The following ILRUN variants were observed in gnomAD, a reference collection of about 807,000 sequenced individuals.
The protein encoded by ILRUN is protein ILRUN.
Under a neutral mutation model 33.8 loss-of-function variants are expected in ILRUN, and 3 were observed. The ratio of observed to expected loss-of-function variants is 0.09; its 90% confidence interval spans 0.04 to 0.23. The LOEUF (loss-of-function observed/expected upper bound fraction) is 0.23. Ranked by LOEUF, ILRUN falls within the 10% of genes least tolerant of loss-of-function variation. ILRUN has a pLI of 1.00. For synonymous variants in ILRUN, 124 were observed against 138.9 expected (o/e 0.89, Z 0.75); for missense variants, 210 against 375.1 (o/e 0.56, Z 3.64).
intron 1 of ILRUN, among the ~76,000 whole-genome samples, chr6:34,683,443 T>TATATATACATATATACATATATATACAC (rs1562032912): frequency 1.4e-5 from 1 of 73,312 alleles, no homozygotes; most frequent in African/African-American, 7.1e-5. Flanking sequence ...TATATATACA[T>TATATATACATATATACATATATATACAC]ATATATATAC....
chr6:34,671,988 C>A (rs1469203169), intron 1 of ILRUN: 3 of 152,234 alleles, frequency 2.0e-5, no homozygotes, highest in Admixed American at 1.3e-4. Context: ...GGCCTCATAT[C>A]CCCTAATGTA....
At chr6:34,666,257 C>G (rs1483845794) in intron 1 of ILRUN, among the ~76,000 whole-genome samples, 1 of 152,094 alleles carries the variant, frequency 6.6e-6, no homozygotes, top group African/African-American at 2.4e-5. Context: ...TATATAGGTA[C>G]CTTTAAAAAG....
intron 4 of ILRUN, among the ~76,000 whole-genome samples, chr6:34,598,100 A>C (rs1761439186): frequency 1.3e-5 from 2 of 152,248 alleles, no homozygotes; most frequent in African/African-American, 4.8e-5. Context: ...GATAGGGATT[A>C]GTGGCTGAGC....
At chr6:34,625,608 CCATT>C (rs1267772951) in intron 3 of ILRUN, among the ~76,000 whole-genome samples, 1 of 152,162 alleles carries the variant, frequency 6.6e-6, no homozygotes, top group East Asian at 1.9e-4. Flanking sequence ...AATCTATCTC[CCATT>C]CTTTCCCACA....
intron 1 of ILRUN, among the ~76,000 whole-genome samples, chr6:34,668,683 T>C (rs187213509): frequency 1.3e-5 from 2 of 152,138 alleles, no homozygotes; most frequent in Non-Finnish European, 2.9e-5. Context: ...AAACCTTCTT[T>C]TCTTTTTTTG....
At chr6:34,683,467 TATATACAC>T (rs1448477022) in intron 1 of ILRUN, among the ~76,000 whole-genome samples, 4 of 98,086 alleles carry the variant, frequency 4.1e-5, no homozygotes, top group Admixed American at 2.0e-4. Context: ...TATATACATA[TATATACAC>T]ATATATATAT....
intron 4 of ILRUN, among the ~76,000 whole-genome samples, chr6:34,601,811 T>C (rs1435353881): frequency 2.0e-5 from 3 of 151,264 alleles, no homozygotes; most frequent in Admixed American, 6.6e-5. Flanking sequence ...AGCTGATTTC[T>C]GATGTAACAG....
At chr6:34,650,216 G>T (rs1423330335) in intron 2 of ILRUN, among the ~76,000 whole-genome samples, 1 of 152,026 alleles carries the variant, frequency 6.6e-6, no homozygotes, top group East Asian at 1.9e-4. Context: ...TTTTTAGAGG[G>T]ACAGTTTTAA....
intron 1 of ILRUN, among the ~76,000 whole-genome samples, chr6:34,660,340 A>G (rs1414543402): frequency 6.6e-6 from 1 of 151,814 alleles, no homozygotes; most frequent in Non-Finnish European, 1.5e-5. Context: ...TAGAGAAGGA[A>G]TGCCATTAGC....
intron 2 of ILRUN, among the ~76,000 whole-genome samples, chr6:34,653,888 C>T (rs1190704914): frequency 2.7e-5 from 4 of 148,940 alleles, no homozygotes; most frequent in Non-Finnish European, 5.9e-5. Flanking sequence ...GGAGGATCGC[C>T]TGAGCCCAAG....
chr6:34,651,657 C>T (rs1190767892), intron 2 of ILRUN, among the ~76,000 whole-genome samples: 1 of 150,076 alleles, frequency 6.7e-6, no homozygotes, highest in Non-Finnish European at 1.5e-5. Context: ...ATTAAGTAAA[C>T]AAGGTACTGA....
At chr6:34,610,139 C>T (rs565774703) in intron 3 of ILRUN, among the ~76,000 whole-genome samples, 2 of 147,388 alleles carry the variant, frequency 1.4e-5, no homozygotes, top group African/African-American at 2.5e-5. Context: ...CCAGCCTGGG[C>T]GACTGAGCAA....
intron 3 of ILRUN, among the ~76,000 whole-genome samples, chr6:34,639,984 T>A (rs2127355148): frequency 6.6e-6 from 1 of 152,154 alleles, no homozygotes; most frequent in East Asian, 1.9e-4. Flanking sequence ...TTGTTAGTAT[T>A]TGCTACTTAG....
At chr6:34,653,981 A>G (rs1320760573) in intron 2 of ILRUN, among the ~76,000 whole-genome samples, 1 of 151,686 alleles carries the variant, frequency 6.6e-6, no homozygotes, top group Non-Finnish European at 1.5e-5. Context: ...AAAAAAAAAA[A>G]AAAAAAAAGT....
intron 3 of ILRUN, among the ~76,000 whole-genome samples, chr6:34,641,091 A>C (rs1762466593): frequency 6.6e-6 from 1 of 151,586 alleles, no homozygotes; most frequent in Non-Finnish European, 1.5e-5. Context: ...AAAAAAAAAA[A>C]AAAAAACAAA....
intron 3 of ILRUN, among the ~76,000 whole-genome samples, chr6:34,621,196 C>A (rs1030712507): frequency 1.3e-5 from 2 of 152,194 alleles, no homozygotes; most frequent in African/African-American, 4.8e-5. Context: ...ACAAGAGCAT[C>A]ACCTTCTTAC....
intron 2 of ILRUN, among the ~76,000 whole-genome samples, chr6:34,653,273 C>T (rs183938922): frequency 5.6e-4 from 85 of 151,838 alleles, no homozygotes; most frequent in African/African-American, 1.9e-3. Context: ...CTCTGTCACC[C>T]AGCCTGAAGT....
intron 1 of ILRUN, among the ~76,000 whole-genome samples, chr6:34,672,498 G>A (rs1763138451): frequency 6.6e-6 from 1 of 152,090 alleles, no homozygotes; most frequent in Admixed American, 6.6e-5. Context: ...AGGATCTCAT[G>A]AGCCCAGGAG....
Position 34,588,294 on chromosome 6 carries a change from A to G in ILRUN, c.*2271T>C. The G allele has an allele frequency of 2.5e-6, 1 of 398,528 alleles. No homozygotes were observed. The highest frequency in any genetic ancestry group is 4.4e-6 in the Non-Finnish European group (1 of 226,086). 24.7% of individuals were successfully genotyped at this position (398,528 alleles called of 1,614,324 possible). The stretch of plus-strand genomic sequence containing the variant: ...GTGGTTGCCTAGAAGCAAGAGGAAG[A>G]GCAAGACGACTCTGGCAGGCCCAGA... On this transcript the variant is annotated 3_prime_UTR_variant, in exon 5 of 5. Coordinates refer to ENST00000374023, the MANE Select transcript of ILRUN (RefSeq NM_024294.4).
Sources: gnomAD v4.1 joint callset for allele counts (sites outside exome capture counted in the v4.1 genomes callset) on GRCh38, gnomAD v4.1.1 for gene constraint, MANE v1.5 for transcripts, NCBI Gene and HGNC (gene_info 2026-07-23, HGNC 2026-07-21) for gene names.